Variants in WWC1 observed in about 807,000 individuals in gnomAD.
The protein encoded by WWC1 is protein KIBRA.
Under a neutral mutation model 138.4 loss-of-function variants are expected in WWC1, and 55 were observed. The ratio of observed to expected loss-of-function variants is 0.40; its 90% confidence interval spans 0.32 to 0.50. The LOEUF (loss-of-function observed/expected upper bound fraction) is 0.50. Among genes scored for constraint, WWC1 ranks in the 20% least tolerant of loss-of-function variants. The pLI, the probability that WWC1 is intolerant of heterozygous loss-of-function variation, is 0.72. For missense variants in WWC1, 1,226 were observed against 1,420.4 expected (o/e 0.86, Z 2.20); for synonymous variants, 524 against 564.9 (o/e 0.93, Z 1.03).
chr5:168,453,772 C>T (rs1044793685), intron 17 of WWC1, among the ~76,000 whole-genome samples, 196 bp from the exon 18 acceptor site: 3 of 152,090 alleles, frequency 2.0e-5, no homozygotes, highest in Non-Finnish European at 1.5e-5. Context: ...TCTTGAACTC[C>T]TGAACTCAGG....
rs1168783978 is a variant in WWC1 at position 168,414,676 on chromosome 5, C to G, written c.1184+86C>G. 1.2e-5 allele frequency: 17 copies of G among 1,453,520 alleles called. No individual in the cohort carries two copies. In the South Asian group the frequency reaches 2.5e-4, roughly 21 times the overall value. 90.0% of individuals were successfully genotyped at this position (1,453,520 alleles called of 1,614,324 possible). A position where few individuals can be genotyped will look rare whatever the true frequency, so the allele number is the denominator to read the frequency against. ...CCCAGATGGGGGAAGAATGAGGGGGCTCCGGGCCCCTGGGCTCCACCCTGA... is the reference window on the plus strand; with the variant it reads ...CCCAGATGGGGGAAGAATGAGGGGGGTCCGGGCCCCTGGGCTCCACCCTGA... On this transcript the variant is annotated intron_variant, in intron 9 of 22. Coordinates refer to ENST00000265293, the MANE Select transcript of WWC1 (RefSeq NM_015238.3).
At chr5:168,324,004 A>G (rs764159585) in intron 1 of WWC1, among the ~76,000 whole-genome samples, 2 of 152,250 alleles carry the variant, frequency 1.3e-5, no homozygotes, top group Non-Finnish European at 2.9e-5. Context: ...CTGAAAGGGA[A>G]AAATACTGTC....
chr5:168,316,553 C>G (rs1437801688), intron 1 of WWC1: 2 of 152,210 alleles, frequency 1.3e-5, no homozygotes, highest in Non-Finnish European at 2.9e-5. Context: ...GGACTCAGCC[C>G]AGGAGGTCCA....
chr5:168,423,923 C>G lies in WWC1; in HGVS notation c.1665C>G (p.Leu555=). ...GTTCCCCTCTCATGGCTGACCCCCT[C>G]CTGGCTGGTGATGCCTTCCTCAACT... The part of the protein sequence containing the change: ...PPCSPLMADP[L]LAGDAFLNSL... The change falls in exon 11 of 23, where the codon CTC becomes CTG. Residue 555 remains leucine, a synonymous_variant. Coordinates refer to ENST00000265293, the MANE Select transcript of WWC1 (RefSeq NM_015238.3). 1 of 1,614,202 alleles carries G rather than the reference C, an allele frequency of 6.2e-7. No homozygotes were observed. The highest frequency in any genetic ancestry group is 8.5e-7 in the Non-Finnish European group (1 of 1,180,042).
chr5:168,362,944 C>T (rs1234227016), intron 1 of WWC1, among the ~76,000 whole-genome samples: 1 of 152,120 alleles, frequency 6.6e-6, no homozygotes, highest in African/African-American at 2.4e-5. Flanking sequence ...GCCCTCCCTC[C>T]TCTTCTTTTT....
intron 17 of WWC1, among the ~76,000 whole-genome samples, chr5:168,452,899 A>G (rs1465544984): frequency 6.6e-6 from 1 of 152,148 alleles, no homozygotes; most frequent in African/African-American, 2.4e-5. Context: ...ACATGTTGCA[A>G]TATAGCCATC....
At chr5:168,367,443 T>C (rs578095965) in intron 1 of WWC1, among the ~76,000 whole-genome samples, 2 of 151,646 alleles carry the variant, frequency 1.3e-5, no homozygotes, top group Non-Finnish European at 2.9e-5. Flanking sequence ...GCCATTCTCC[T>C]GCCTCAGCCT....
intron 1 of WWC1, among the ~76,000 whole-genome samples, chr5:168,307,529 C>T (rs1561589228): frequency 6.6e-6 from 1 of 151,818 alleles, no homozygotes; most frequent in Non-Finnish European, 1.5e-5. Context: ...TTTCAAAATC[C>T]CTCCAAGGAA....
At chr5:168,299,016 C>T (rs955527040) in intron 1 of WWC1, among the ~76,000 whole-genome samples, 1 of 152,090 alleles carries the variant, frequency 6.6e-6, no homozygotes, top group African/African-American at 2.4e-5. Flanking sequence ...ACCCAGGAGG[C>T]GGAGGTTGCA....
Position 168,464,807 on chromosome 5 carries a change from A to G in WWC1, c.2995A>G (p.Arg999Gly), listed in dbSNP as rs1757120871. The change falls in exon 21 of 23, where the codon AGA becomes GGA. Residue 999 changes from arginine (R) to glycine (G), a missense_variant. Transcript: ENST00000265293. Reference sequence around the variant, plus strand: ...CCTGGAGTTAGACCTGCAGGCGACAAGAACCTGGCACAGCCAATTGACCCA... The same window carrying G: ...CCTGGAGTTAGACCTGCAGGCGACAGGAACCTGGCACAGCCAATTGACCCA... ...LDLELDLQAT[R>G]TWHSQLTQEI... 1 of 1,614,098 alleles carries G rather than the reference A, an allele frequency of 6.2e-7. No homozygotes were observed. Among genetic ancestry groups the G allele is most frequent in the Non-Finnish European group, 8.5e-7 (1 of 1,180,038 alleles).
At position 168,406,479 on chromosome 5, in the gene WWC1, G is replaced by C. The variant is rs1040939333; in HGVS notation, c.720+152G>C. 7 of 1,135,588 alleles carry C rather than the reference G, an allele frequency of 6.2e-6. 1 individual carries two copies. In the African/African-American group the frequency reaches 1.1e-4, roughly 18 times the overall value. 70.3% of individuals were successfully genotyped at this position (1,135,588 alleles called of 1,614,324 possible). A position where few individuals can be genotyped will look rare whatever the true frequency, so the allele number is the denominator to read the frequency against. On this transcript the variant is annotated intron_variant, in intron 6 of 22. Transcript: ENST00000265293. ...GGTTTTGGTTCCATTTCATAGAGGA[G>C]GACGTGGAGGCTCAGAAGCATTAAG... is the stretch of plus-strand genomic sequence containing the variant.
At position 168,292,375 on chromosome 5, in the gene WWC1, G is replaced by A. The variant is rs1769128431; in HGVS notation, c.119+104G>A. 4 of 1,367,846 alleles carry A rather than the reference G, an allele frequency of 2.9e-6. No homozygotes were observed. The highest frequency in any genetic ancestry group is 4.8e-5 in the Admixed American group (2 of 41,840). The allele number at this position is 1,367,846 out of a possible 1,614,324, so 84.7% of individuals were successfully genotyped here. The stretch of plus-strand genomic sequence containing the variant: ...CTGGGAGGGGGCAGGGGAGCTCTGC[G>A]TGCCTCTTGAGCTCTCTTCAGTTCG... On this transcript the variant is annotated intron_variant, in intron 1 of 22. Coordinates refer to ENST00000265293, the MANE Select transcript of WWC1 (RefSeq NM_015238.3). This position sits in a 1 kb window ranked among gnomAD's most constrained non-coding sequence, Gnocchi z 4.4.
chr5:168,392,331 T>C (rs1421863221), intron 3 of WWC1, among the ~76,000 whole-genome samples: 4 of 151,984 alleles, frequency 2.6e-5, no homozygotes, highest in Non-Finnish European at 5.9e-5. Flanking sequence ...GGAAGAGATA[T>C]AAAGAGAAAA....
At chr5:168,461,902 C>A (rs1756843370) in intron 20 of WWC1, among the ~76,000 whole-genome samples, 1 of 151,878 alleles carries the variant, frequency 6.6e-6, no homozygotes, top group Non-Finnish European at 1.5e-5. Context: ...ACTAAAAATA[C>A]AAAATTAGCT....
intron 1 of WWC1, among the ~76,000 whole-genome samples, chr5:168,293,333 A>C (rs1202478419): frequency 2.0e-5 from 3 of 152,198 alleles, no homozygotes; most frequent in Middle Eastern, 3.2e-3. Context: ...CTTGGGGGTC[A>C]GGTCCCTGTA....
rs574175805 is a variant in WWC1 at position 168,431,364 on chromosome 5, A to G, written c.2200A>G (p.Met734Val). The change falls in exon 15 of 23, where the codon ATG (methionine) becomes GTG (valine). Residue 734 changes from methionine to valine, a missense_variant. Met to Val is a conservative substitution (Grantham distance 21, BLOSUM62 1). This residue lies in a region of WWC1 where 1,016 missense variants were observed against 1,153.9 expected (regional missense o/e 0.88). Coordinates refer to ENST00000265293, the MANE Select transcript of WWC1 (RefSeq NM_015238.3). ...GTTCAATGAGGTGTTCTGGGTATCC[A>G]TGTCCTATCCAGCCCTTCACCAGAA... Reference protein sequence around the residue: ...LVFNEVFWVSMSYPALHQKTL... With the variant: ...LVFNEVFWVSVSYPALHQKTL... The G allele has an allele frequency of 3.3e-5, 54 of 1,614,066 alleles. 2 individuals are homozygous for G. In the South Asian group the frequency reaches 5.5e-4, roughly 16 times the overall value.
At chr5:168,391,088 T>C (rs1320395861) in intron 3 of WWC1, among the ~76,000 whole-genome samples, 4 of 152,246 alleles carry the variant, frequency 2.6e-5, no homozygotes, top group Non-Finnish European at 5.9e-5. Flanking sequence ...GTCAGTCAAA[T>C]GCTAAGGCTC....
At chr5:168,385,159 C>A in intron 2 of WWC1, 52 bp from the exon 3 acceptor site, 4 of 1,599,534 alleles carry the variant, frequency 2.5e-6, no homozygotes, top group African/African-American at 1.3e-5. Flanking sequence ...AGGCCACCAG[C>A]CCAACAGATA....
chr5:168,404,364 C>G (rs947589787), intron 5 of WWC1, among the ~76,000 whole-genome samples: 1 of 152,244 alleles, frequency 6.6e-6, no homozygotes, highest in African/African-American at 2.4e-5. Flanking sequence ...AATCTGGGGC[C>G]GGTCCTTGCC....
Sources: allele counts gnomAD v4.1 joint callset (sites outside exome capture counted in the v4.1 genomes callset), GRCh38; gene constraint gnomAD v4.1.1; regional missense constraint gnomAD v4.1.1; non-coding constraint Gnocchi (gnomAD v3.1); transcripts MANE v1.5; gene names NCBI Gene and HGNC (gene_info 2026-07-23, HGNC 2026-07-21).